Variants in ASB3 observed in about 807,000 individuals in gnomAD.
The protein encoded by ASB3 is ankyrin repeat and SOCS box protein 3.
A neutral mutation model predicts 54.5 loss-of-function variants in ASB3; 41 were observed. That is an observed-to-expected ratio of 0.75 (90% CI 0.59 to 0.98). The LOEUF (loss-of-function observed/expected upper bound fraction) is 0.98, where lower values mean the gene tolerates loss of function less well. ASB3 is among the 50% of genes least tolerant of loss of function. The pLI is 0.00. For missense variants in ASB3, 733 were observed against 620.0 expected (o/e 1.18, Z -1.94); for synonymous variants, 266 against 221.2 (o/e 1.20, Z -1.80).
chr2:53,674,285 T>C (rs1467390217), intron 9 of ASB3, among the ~76,000 whole-genome samples: 2 of 152,196 alleles, frequency 1.3e-5, no homozygotes, highest in Non-Finnish European at 1.5e-5. Context: ...CTAAGTCACT[T>C]TTCTGACCCA....
chr2:53,733,867 T>C (rs1196040335), intron 3 of ASB3, among the ~76,000 whole-genome samples: 2 of 152,182 alleles, frequency 1.3e-5, no homozygotes, highest in South Asian at 2.1e-4. Flanking sequence ...CACGTATTTA[T>C]TAAGATCAAG....
intron 8 of ASB3, among the ~76,000 whole-genome samples, chr2:53,696,409 A>T (rs565373894): frequency 6.6e-6 from 1 of 152,286 alleles, no homozygotes; most frequent in African/African-American, 2.4e-5. Flanking sequence ...CAGTATCAGA[A>T]TTGGGAAAGG....
intron 4 of ASB3, 72 bp from the exon 5 acceptor site, chr2:53,728,919 T>G (rs981076672): frequency 5.1e-6 from 7 of 1,382,084 alleles, no homozygotes; most frequent in South Asian, 5.0e-5. Flanking sequence ...TCTTACTGTG[T>G]TTTTTTTTTC....
At chr2:53,681,240 T>A (rs1184869606) in intron 9 of ASB3, among the ~76,000 whole-genome samples, 1 of 152,200 alleles carries the variant, frequency 6.6e-6, no homozygotes, top group Non-Finnish European at 1.5e-5. Context: ...TACCCAGCAG[T>A]GGGACTGCTG....
chr2:53,728,634 A>G, intron 5 of ASB3, 78 bp downstream of exon 5: 1 of 1,372,866 alleles, frequency 7.3e-7, no homozygotes, highest in Middle Eastern at 2.0e-4. Flanking sequence ...TTTATATTTG[A>G]GACAAGAATT....
chr2:53,674,554 ACTATAT>A (rs909277270), intron 9 of ASB3, among the ~76,000 whole-genome samples: 34 of 152,186 alleles, frequency 2.2e-4, no homozygotes, highest in Admixed American at 2.2e-3. Flanking sequence ...ATAGCACAAA[ACTATAT>A]CTATATCATA....
chr2:53,709,423 GC>G (rs1163498241), intron 7 of ASB3, among the ~76,000 whole-genome samples: 2 of 152,180 alleles, frequency 1.3e-5, no homozygotes, highest in Non-Finnish European at 2.9e-5. Flanking sequence ...AGCATAAAGG[GC>G]CTTCTTTCTT....
chr2:53,743,337 G>A (rs1004403232), intron 3 of ASB3, among the ~76,000 whole-genome samples: 6 of 151,902 alleles, frequency 3.9e-5, no homozygotes, highest in African/African-American at 1.5e-4. Flanking sequence ...TAAAAACTCA[G>A]GGAATAGTAC....
At chr2:53,746,726 C>T (rs1435697327) in intron 3 of ASB3, among the ~76,000 whole-genome samples, 3 of 152,004 alleles carry the variant, frequency 2.0e-5, no homozygotes, top group African/African-American at 7.3e-5. Context: ...GTGATCCGCC[C>T]GCCTCGGCCT....
chr2:53,686,122 A>C (rs1200365717), intron 9 of ASB3, among the ~76,000 whole-genome samples: 1 of 152,192 alleles, frequency 6.6e-6, no homozygotes, highest in African/African-American at 2.4e-5. Flanking sequence ...TCATGGAAGA[A>C]GCCTCTTGAA....
intron 9 of ASB3, among the ~76,000 whole-genome samples, chr2:53,683,663 T>C (rs562812801): frequency 1.3e-5 from 2 of 152,170 alleles, no homozygotes; most frequent in Non-Finnish European, 2.9e-5. Flanking sequence ...TACTTGTTAT[T>C]GGTCTGCTCA....
intron 9 of ASB3, among the ~76,000 whole-genome samples, 194 bp from the exon 10 acceptor site, chr2:53,670,884 C>T (rs1667776162): frequency 6.6e-6 from 1 of 152,196 alleles, no homozygotes; most frequent in Non-Finnish European, 1.5e-5. Context: ...GCTCCTCTCC[C>T]TTCAGTTTGT....
intron 2 of ASB3, among the ~76,000 whole-genome samples, chr2:53,758,277 A>T (rs1672949322): frequency 6.6e-6 from 1 of 152,216 alleles, no homozygotes; most frequent in Admixed American, 6.5e-5. Flanking sequence ...AAAAAGGCAC[A>T]TGGGATAAAC....
At chr2:53,692,504 AGAT>A (rs1304747444) in intron 9 of ASB3, among the ~76,000 whole-genome samples, 1 of 152,154 alleles carries the variant, frequency 6.6e-6, no homozygotes, top group Non-Finnish European at 1.5e-5. Context: ...ATCTCTCAAT[AGAT>A]GATGATTATT....
intron 2 of ASB3, among the ~76,000 whole-genome samples, chr2:53,752,636 T>C (rs983600999): frequency 3.3e-5 from 5 of 152,274 alleles, no homozygotes; most frequent in Admixed American, 2.6e-4. Flanking sequence ...CACAATGACC[T>C]GGGCAGCATT....
At chr2:53,776,908 T>G (rs1488033801) in intron 1 of ASB3, among the ~76,000 whole-genome samples, 1 of 152,202 alleles carries the variant, frequency 6.6e-6, no homozygotes, top group Non-Finnish European at 1.5e-5. Context: ...GTTGAAGAAT[T>G]TTAACTCTTC....
At chr2:53,707,406 GC>G (rs1179081911) in intron 7 of ASB3, among the ~76,000 whole-genome samples, 1 of 152,212 alleles carries the variant, frequency 6.6e-6, no homozygotes. Context: ...CTTTTGGGAG[GC>G]TGAGGCGGGC....
intron 1 of ASB3, chr2:53,767,433 G>T (rs1673539492): frequency 6.5e-6 from 1 of 154,144 alleles, no homozygotes; most frequent in South Asian, 2.0e-4. Flanking sequence ...GTGTTTCTAG[G>T]TGCTTTGCTA....
chr2:53,781,557 G>A (rs753140151), intron 1 of ASB3, among the ~76,000 whole-genome samples: 1 of 151,874 alleles, frequency 6.6e-6, no homozygotes, highest in African/African-American at 2.4e-5. Flanking sequence ...GTACAATGGC[G>A]CCATCTTGGC....
Sources: allele counts gnomAD v4.1 joint callset (sites outside exome capture counted in the v4.1 genomes callset), GRCh38; gene constraint gnomAD v4.1.1; transcripts MANE v1.5; gene names NCBI Gene and HGNC (gene_info 2026-07-23, HGNC 2026-07-21).